Variants in CACNG2 observed in about 807,000 individuals in gnomAD.
CACNG2 encodes voltage-dependent calcium channel gamma-2 subunit.
A neutral mutation model predicts 25.9 loss-of-function variants in CACNG2; 3 were observed. That is an observed-to-expected ratio of 0.12 (90% CI 0.05 to 0.30). The LOEUF is 0.30. CACNG2 is among the 10% of genes least tolerant of loss of function. The probability of loss-of-function intolerance (pLI) is 1.00; values close to 1 mark genes in which losing one functional copy is unlikely to be tolerated. For missense variants in CACNG2, 341 were observed against 432.5 expected (o/e 0.79, Z 1.88); for synonymous variants, 167 against 173.3 (o/e 0.96, Z 0.29).
rs1253961272 is a variant in CACNG2, at chr22:36,641,918, CAT to C, written c.212-54372_212-54371del. Among the ~76,000 whole-genome samples, 6 of 152,304 alleles carry C rather than the reference CAT, an allele frequency of 3.9e-5. No individual in the cohort carries two copies. In the Middle Eastern group the frequency reaches 0.014, roughly 345 times the overall value. ...GCTTAATCTTTAGCATTATCAGAAACATGTGTTTATTCCCAGGGAGACTTCCA... is the reference window on the plus strand; with the variant it reads ...GCTTAATCTTTAGCATTATCAGAAACGTGTTTATTCCCAGGGAGACTTCCA... On this transcript the variant is annotated intron_variant, in intron 1 of 3. Transcript: ENST00000300105.
intron 1 of CACNG2, among the ~76,000 whole-genome samples, chr22:36,601,074 A>ATTAGAGC (rs1177301727): frequency 1.3e-5 from 2 of 152,214 alleles, no homozygotes; most frequent in East Asian, 3.8e-4. Context: ...CATGTTGTAC[A>ATTAGAGC]TTAGAGCTCT....
At chr22:36,627,854 C>A (rs1936207182) in intron 1 of CACNG2, among the ~76,000 whole-genome samples, 1 of 151,790 alleles carries the variant, frequency 6.6e-6, no homozygotes, top group Admixed American at 6.6e-5. Context: ...CACCTGATAA[C>A]TTCTTTGGTT....
chr22:36,650,564 T>C (rs1936595849), intron 1 of CACNG2, among the ~76,000 whole-genome samples: 1 of 152,044 alleles, frequency 6.6e-6, no homozygotes, highest in African/African-American at 2.4e-5. Flanking sequence ...AAAATAGACA[T>C]GGGGGTCTCA....
intron 1 of CACNG2, among the ~76,000 whole-genome samples, chr22:36,662,740 C>G (rs901244125): frequency 3.3e-5 from 5 of 152,198 alleles, no homozygotes; most frequent in Non-Finnish European, 5.9e-5. Flanking sequence ...TTTTCTGTCT[C>G]CTGGGCACCG....
intron 2 of CACNG2, among the ~76,000 whole-genome samples, chr22:36,585,818 T>A (rs1454134312): frequency 6.6e-6 from 1 of 152,228 alleles, no homozygotes; most frequent in Non-Finnish European, 1.5e-5. Flanking sequence ...CCAAATACTC[T>A]ATGCTCTATG....
At position 36,703,416 on chromosome 22, in the gene CACNG2, G is replaced by A. The variant is rs1447531396; in HGVS notation, c.-840C>T. 1 of 152,922 alleles carries A rather than the reference G, an allele frequency of 6.5e-6. No homozygotes were observed. The highest frequency in any genetic ancestry group is 6.5e-5 in the Admixed American group (1 of 15,274). The allele number at this position is 152,922 out of a possible 1,614,324, so 9.5% of individuals were successfully genotyped here. On this transcript the variant is annotated 5_prime_UTR_variant, in exon 1 of 4. Coordinates refer to ENST00000300105, the MANE Select transcript of CACNG2 (RefSeq NM_006078.5). ...GGATTTCCCTCCCCCTATCTGCAAA[G>A]CTCCTGGAAACGAGGGAGCCGGCGT...
At chr22:36,642,071 T>G (rs1423090742) in intron 1 of CACNG2, among the ~76,000 whole-genome samples, 1 of 152,152 alleles carries the variant, frequency 6.6e-6, no homozygotes, top group Non-Finnish European at 1.5e-5. Flanking sequence ...GAGGGTAGAC[T>G]GGACTCCTTC....
intron 1 of CACNG2, among the ~76,000 whole-genome samples, chr22:36,665,554 T>C (rs1327248410): frequency 6.6e-6 from 1 of 152,128 alleles, no homozygotes; most frequent in South Asian, 2.1e-4. Context: ...GGCAAACAAC[T>C]TGAACAGACA....
chr22:36,635,281 C>A (rs1216857387), intron 1 of CACNG2, among the ~76,000 whole-genome samples: 4 of 128,158 alleles, frequency 3.1e-5, no homozygotes, highest in African/African-American at 1.3e-4. Context: ...GAGACCCCGT[C>A]TCAAAAAAAA....
intron 1 of CACNG2, among the ~76,000 whole-genome samples, chr22:36,644,890 G>C (rs1181477756): frequency 6.6e-6 from 1 of 152,008 alleles, no homozygotes; most frequent in East Asian, 1.9e-4. Flanking sequence ...CTAGGATGAC[G>C]AACCTGGCAG....
At chr22:36,687,367 C>G (rs530925109) in intron 1 of CACNG2, among the ~76,000 whole-genome samples, 1 of 152,244 alleles carries the variant, frequency 6.6e-6, no homozygotes, top group African/African-American at 2.4e-5. Context: ...CTCTAAAAAT[C>G]TCTTCCAGGT....
intron 1 of CACNG2, among the ~76,000 whole-genome samples, chr22:36,633,618 T>C (rs1936309520): frequency 6.6e-6 from 1 of 152,262 alleles, no homozygotes; most frequent in Non-Finnish European, 1.5e-5. Flanking sequence ...ATGTCTGTTT[T>C]GGAGGCAGTT....
intron 1 of CACNG2, among the ~76,000 whole-genome samples, chr22:36,635,608 C>A (rs1397206654): frequency 1.3e-5 from 2 of 152,132 alleles, no homozygotes; most frequent in Non-Finnish European, 2.9e-5. Flanking sequence ...CAGTTACCAC[C>A]CTCATATCAG....
chr22:36,628,096 C>T (rs555605753), intron 1 of CACNG2, among the ~76,000 whole-genome samples: 3 of 152,054 alleles, frequency 2.0e-5, no homozygotes, highest in East Asian at 1.9e-4. Flanking sequence ...TATTTCTAGG[C>T]GAGAACGTTA....
rs1450662398 is a variant in CACNG2 at position 36,702,615 on chromosome 22, C to T, written c.-39G>A. ...ATAAACACCCAACCGACTTCTGGTT[C>T]TCGGGAGAGTGTGTGTGAGGGTGCA... On this transcript the variant is annotated 5_prime_UTR_variant, in exon 1 of 4. Coordinates refer to ENST00000300105, the MANE Select transcript of CACNG2 (RefSeq NM_006078.5). 6 of 1,552,120 alleles carry T rather than the reference C, an allele frequency of 3.9e-6. No individual in the cohort carries two copies. Among genetic ancestry groups the T allele is most frequent in the East Asian group, 2.2e-5 (1 of 44,532 alleles).
intron 1 of CACNG2, among the ~76,000 whole-genome samples, chr22:36,680,000 T>C (rs1192625666): frequency 6.6e-6 from 1 of 151,326 alleles, no homozygotes; most frequent in Non-Finnish European, 1.5e-5. Context: ...ACCACCTTCA[T>C]GATCACCACC....
At chr22:36,569,492 C>G (rs972606141) in intron 2 of CACNG2, among the ~76,000 whole-genome samples, 5 of 152,182 alleles carry the variant, frequency 3.3e-5, no homozygotes. Context: ...CTCACTTCCT[C>G]TGTTTTTCCC....
intron 2 of CACNG2, among the ~76,000 whole-genome samples, chr22:36,570,296 C>A (rs2145908690): frequency 6.6e-6 from 1 of 152,276 alleles, no homozygotes; most frequent in South Asian, 2.1e-4. Context: ...TGTGTTGCAG[C>A]CAGCAAAGAG....
In CACNG2 at chr22:36,702,655, A is replaced by AC; in HGVS notation, c.-80_-79insG. On this transcript the variant is annotated 5_prime_UTR_variant, in exon 1 of 4. Transcript: ENST00000300105. ...GTGAGGGTGCAAGTACTAAAGCCAA[A>AC]AAAAATAAATAAAAATAAAAATTAT... is the stretch of plus-strand genomic sequence containing the variant. 9.8e-7 allele frequency: 1 copy of AC among 1,020,938 alleles called. No homozygotes were observed. Among genetic ancestry groups the AC allele is most frequent in the East Asian group, 2.5e-5 (1 of 40,210 alleles). 63.2% of individuals were successfully genotyped at this position (1,020,938 alleles called of 1,614,324 possible). A position where few individuals can be genotyped will look rare whatever the true frequency, so the allele number is the denominator to read the frequency against.
Sources: allele counts gnomAD v4.1 joint callset (sites outside exome capture counted in the v4.1 genomes callset), GRCh38; gene constraint gnomAD v4.1.1; transcripts MANE v1.5; gene names NCBI Gene and HGNC (gene_info 2026-07-23, HGNC 2026-07-21).